CALN1: variants seen among roughly 807,000 people sequenced by gnomAD.
CALN1 encodes calcium-binding protein 8.
CALN1 carries 17 observed loss-of-function variants against 30.6 expected under a neutral mutation model. The ratio of observed to expected loss-of-function variants is 0.56; its 90% CI spans 0.38 to 0.83. The LOEUF (loss-of-function observed/expected upper bound fraction) is 0.83. Ranked by LOEUF, CALN1 falls within the 40% of genes least tolerant of loss-of-function variation. CALN1 has a pLI of 0.00. For synonymous variants in CALN1, 156 were observed against 131.4 expected (o/e 1.19, Z -1.28); for missense variants, 291 against 354.9 (o/e 0.82, Z 1.45).
chr7:72,146,089 C>T (rs1563096630), intron 3 of CALN1, among the ~76,000 whole-genome samples: 1 of 152,120 alleles, frequency 6.6e-6, no homozygotes, highest in Admixed American at 6.6e-5. Context: ...TCTCACCACT[C>T]CTATTCAACA....
At chr7:71,990,184 C>T (rs1798873084) in intron 5 of CALN1, among the ~76,000 whole-genome samples, 1 of 152,100 alleles carries the variant, frequency 6.6e-6, no homozygotes, top group African/African-American at 2.4e-5. Context: ...GAAAGTGACC[C>T]CTGGTCGTCC....
At chr7:72,383,665 T>A (rs1333167852) in intron 2 of CALN1, among the ~76,000 whole-genome samples, 1 of 152,172 alleles carries the variant, frequency 6.6e-6, no homozygotes, top group Non-Finnish European at 1.5e-5. Context: ...TAAGGAAGTG[T>A]TCTGGGAAGG....
At chr7:72,152,868 G>A (rs1299922607) in intron 3 of CALN1, among the ~76,000 whole-genome samples, 2 of 152,160 alleles carry the variant, frequency 1.3e-5, no homozygotes, top group Non-Finnish European at 2.9e-5. Flanking sequence ...TCACTCCATG[G>A]GGGAGAAGAA....
At chr7:72,024,375 T>C (rs1800913666) in intron 4 of CALN1, among the ~76,000 whole-genome samples, 1 of 152,196 alleles carries the variant, frequency 6.6e-6, no homozygotes, top group African/African-American at 2.4e-5. Flanking sequence ...CCAAATCTCA[T>C]CATGCTTTCT....
intron 1 of CALN1, among the ~76,000 whole-genome samples, chr7:72,404,999 C>T (rs1806603699): frequency 6.6e-6 from 1 of 152,114 alleles, no homozygotes; most frequent in Non-Finnish European, 1.5e-5. Flanking sequence ...ACCAGAAACC[C>T]CCATGGTCTT....
chr7:72,341,550 AAATG>A (rs1209002505), intron 2 of CALN1, among the ~76,000 whole-genome samples: 19 of 61,874 alleles, frequency 3.1e-4, no homozygotes, highest in Admixed American at 6.4e-4. Flanking sequence ...ACAAACAAAC[AAATG>A]CCTTGGTAAG....
intron 3 of CALN1, among the ~76,000 whole-genome samples, chr7:72,154,970 T>C (rs978609629): frequency 3.9e-5 from 6 of 151,918 alleles, no homozygotes; most frequent in Non-Finnish European, 5.9e-5. Context: ...GGTGGGAGGA[T>C]TGCTTGAGCC....
chr7:72,027,738 C>A lies in CALN1; in HGVS notation c.389-3969G>T, dbSNP rs867078372. Among the ~76,000 whole-genome samples, 72 of 143,766 alleles carry A rather than the reference C, an allele frequency of 5.0e-4. 1 individual carries two copies. Among genetic ancestry groups the A allele is most frequent in the African/African-American group, 1.9e-3 (67 of 35,608 alleles). 94.3% of individuals were successfully genotyped at this position (143,766 alleles called of 152,430 possible). A position where few individuals can be genotyped will look rare whatever the true frequency, so the allele number is the denominator to read the frequency against. ...AAACAAACAAACAAACACACACACA[C>A]ACACACACACACACACACACAAAAA... is the stretch of plus-strand genomic sequence containing the variant. On this transcript the variant is annotated intron_variant, in intron 4 of 6. Coordinates refer to ENST00000395275, the MANE Select transcript of CALN1 (RefSeq NM_031468.4).
intron 3 of CALN1, among the ~76,000 whole-genome samples, chr7:72,112,746 A>G (rs1402949822): frequency 2.0e-5 from 3 of 152,228 alleles, no homozygotes; most frequent in South Asian, 4.1e-4. Flanking sequence ...GCCAGGATAG[A>G]TAAGTAGCAA....
chr7:72,092,477 T>C (rs538888008), intron 4 of CALN1, among the ~76,000 whole-genome samples: 20 of 152,008 alleles, frequency 1.3e-4, no homozygotes, highest in African/African-American at 4.8e-4. Flanking sequence ...TTCCGTGTCA[T>C]TCAAATTCTG....
chr7:72,483,643 A>G, the CALN1 span, among the ~76,000 whole-genome samples: 2 of 152,120 alleles, frequency 1.3e-5, no homozygotes. Flanking sequence ...GTGAGTTTAT[A>G]GTTTTCATCA....
chr7:72,296,672 G>C (rs1343019695), intron 2 of CALN1, among the ~76,000 whole-genome samples: 3 of 144,694 alleles, frequency 2.1e-5, no homozygotes, highest in Non-Finnish European at 3.0e-5. Flanking sequence ...AGTATTCTCT[G>C]ATGGTAGTTT....
rs369605226 is a variant in CALN1 at position 72,367,780 on chromosome 7, A to C, written c.119+35471T>G. Among the ~76,000 whole-genome samples the C allele has an allele frequency of 1.8e-4, 28 of 152,116 alleles. No individual in the cohort carries two copies. In the East Asian group the frequency reaches 2.1e-3, roughly 12 times the overall value. On this transcript the variant is annotated intron_variant, in intron 2 of 6. Transcript: ENST00000395275. ...AGCCCACGAGTTCCAGGCTGGAAGAAGCTCCGATTGCACCAATGCACTCCA... is the reference window on the plus strand; with the variant it reads ...AGCCCACGAGTTCCAGGCTGGAAGACGCTCCGATTGCACCAATGCACTCCA...
At chr7:72,268,655 G>C (rs1364406646) in intron 3 of CALN1, among the ~76,000 whole-genome samples, 7 of 151,918 alleles carry the variant, frequency 4.6e-5, no homozygotes, top group African/African-American at 1.7e-4. Context: ...AAATTATCCA[G>C]GCATGGTGAC....
intron 3 of CALN1, among the ~76,000 whole-genome samples, chr7:72,145,694 C>T (rs376814442): frequency 0.027 from 4,034 of 152,154 alleles, 182 homozygotes; most frequent in African/African-American, 0.091. Context: ...ACCAATATCC[C>T]GGATGAACAT....
At chr7:72,396,256 AAG>A (rs796324864) in intron 2 of CALN1, among the ~76,000 whole-genome samples, 16 of 40,270 alleles carry the variant, frequency 4.0e-4, no homozygotes, top group African/African-American at 3.8e-3. Context: ...AAAAAAAAAA[AAG>A]AAAGAAAAAG....
chr7:72,141,899 T>G (rs1809969776), intron 3 of CALN1, among the ~76,000 whole-genome samples: 1 of 152,138 alleles, frequency 6.6e-6, no homozygotes, highest in Non-Finnish European at 1.5e-5. Context: ...ATGGGCCCTA[T>G]GTCAAAACAT....
chr7:72,399,461 G>A (rs900493991), intron 2 of CALN1, among the ~76,000 whole-genome samples: 4 of 151,754 alleles, frequency 2.6e-5, no homozygotes, highest in Non-Finnish European at 5.9e-5. Flanking sequence ...AGTAGAGATA[G>A]GGCTTCACCA....
intron 2 of CALN1, among the ~76,000 whole-genome samples, chr7:72,357,565 G>A (rs904195906): frequency 6.6e-6 from 1 of 151,802 alleles, no homozygotes; most frequent in Non-Finnish European, 1.5e-5. Context: ...CATGAATGAG[G>A]TTTTTGAATG....
Sources: gnomAD v4.1 joint callset for allele counts (sites outside exome capture counted in the v4.1 genomes callset) on GRCh38, gnomAD v4.1.1 for gene constraint, MANE v1.5 for transcripts, NCBI Gene and HGNC (gene_info 2026-07-23, HGNC 2026-07-21) for gene names.